Variants in TBL1X observed in about 807,000 individuals in gnomAD.
TBL1X encodes F-box-like/WD repeat-containing protein TBL1X.
TBL1X carries 10 observed loss-of-function variants against 50.7 expected under a neutral mutation model. That is an observed-to-expected ratio of 0.20 (90% CI 0.12 to 0.33). The LOEUF is 0.33. TBL1X is among the 10% of genes least tolerant of loss of function. The pLI, the probability that TBL1X is intolerant of heterozygous loss-of-function variation, is 1.00. For missense variants in TBL1X, 340 were observed against 504.4 expected (o/e 0.67, Z 3.12); for synonymous variants, 190 against 214.7 (o/e 0.88, Z 1.01).
Position 9,646,510 on chromosome X carries a change from A to G in TBL1X, c.-43+6150A>G, listed in dbSNP as rs191862530. ...AAAGAGCCGCTGCCTCCAAATGGGC[A>G]GAGTTTGCTCGTTTCCATGAAGCAA... On this transcript the variant is annotated intron_variant, in intron 3 of 17. Coordinates refer to ENST00000645353, the MANE Select transcript of TBL1X (RefSeq NM_005647.4). Among the ~76,000 whole-genome samples, 63 of 112,478 alleles carry G rather than the reference A, an allele frequency of 5.6e-4. 1 individual carries two copies. In the Middle Eastern group the frequency reaches 0.014, roughly 25 times the overall value.
chrX:9,675,630 A>G lies in TBL1X; in HGVS notation c.212-8413A>G, dbSNP rs765902379. On this transcript the variant is annotated intron_variant, in intron 5 of 17. Transcript: ENST00000645353. The stretch of plus-strand genomic sequence containing the variant: ...CAGGCGCGGTAGCTCACGCCCAGCA[A>G]GTAATCCCAGCACTTTGGGAGGCCG... Among the ~76,000 whole-genome samples the G allele has an allele frequency of 5.4e-5, 6 of 111,788 alleles. No homozygotes were observed. The East Asian group carries it at 1.4e-3, about 26-fold the overall frequency.
chrX:9,506,018 G>A (rs1453868119), intron 2 of TBL1X, among the ~76,000 whole-genome samples: 1 of 112,123 alleles, frequency 8.9e-6, no homozygotes, highest in Non-Finnish European at 1.9e-5. Flanking sequence ...GTGCCACATG[G>A]CACTTATTCT....
chrX:9,657,785 A>T (rs2146603043), intron 5 of TBL1X, among the ~76,000 whole-genome samples: 1 of 112,732 alleles, frequency 8.9e-6, no homozygotes, highest in Admixed American at 9.3e-5. Flanking sequence ...AGTCTGAAAG[A>T]GGAAACTGGT....
chrX:9,543,577 C>T (rs2082226301), intron 2 of TBL1X, among the ~76,000 whole-genome samples: 1 of 110,296 alleles, frequency 9.1e-6, no homozygotes, highest in Admixed American at 9.6e-5. Context: ...TGTGGCCCTT[C>T]GTCTTGGGGG....
chrX:9,701,644 A>G (rs182115387), intron 12 of TBL1X, among the ~76,000 whole-genome samples: 31 of 107,777 alleles, frequency 2.9e-4, no homozygotes, highest in African/African-American at 1.0e-3. Flanking sequence ...GAGTTTACAG[A>G]TTTGTGTTGG....
intron 1 of TBL1X, among the ~76,000 whole-genome samples, chrX:9,483,439 T>C (rs1057406273): frequency 8.9e-6 from 1 of 112,118 alleles, no homozygotes; most frequent in Non-Finnish European, 1.9e-5. Context: ...GAAATGACTG[T>C]GTAGATGGAG....
In TBL1X at chrX:9,484,285, G is replaced by A. The variant is rs375298470; in HGVS notation, c.-200-17495G>A. ...TTCCAAAGTGCTAGGATTACTACGG[G>A]TGTGAGCCACCGTGCCTGGCTCGTT... On this transcript the variant is annotated intron_variant, in intron 1 of 17. Coordinates refer to ENST00000645353, the MANE Select transcript of TBL1X (RefSeq NM_005647.4). Among the ~76,000 whole-genome samples, 4 of 111,026 alleles carry A rather than the reference G, an allele frequency of 3.6e-5. No individual in the cohort carries two copies. The East Asian group carries it at 8.4e-4, about 23-fold the overall frequency.
chrX:9,684,234 A>G (rs1243839956), intron 6 of TBL1X, 46 bp downstream of exon 6: 2 of 1,198,692 alleles, frequency 1.7e-6, no homozygotes, highest in Non-Finnish European at 2.3e-6. Context: ...AGCCCTGGGA[A>G]GCTGCAGGAG....
intron 2 of TBL1X, among the ~76,000 whole-genome samples, chrX:9,522,133 T>G (rs777601945): frequency 7.4e-4 from 80 of 108,583 alleles, no homozygotes; most frequent in Non-Finnish European, 1.3e-3. Flanking sequence ...TCCTCCCACT[T>G]CAGCCTCCCA....
chrX:9,703,479 G>A (rs1388385750), intron 12 of TBL1X, among the ~76,000 whole-genome samples: 1 of 111,754 alleles, frequency 8.9e-6, no homozygotes, highest in Non-Finnish European at 1.9e-5. Context: ...CCGGAGACCT[G>A]AGCACAGCGC....
At chrX:9,609,425 T>G (rs1469940794) in intron 2 of TBL1X, among the ~76,000 whole-genome samples, 1 of 107,642 alleles carries the variant, frequency 9.3e-6, no homozygotes, top group East Asian at 3.0e-4. Context: ...TGTGTGTGTG[T>G]GTGTGTGTCC....
At chrX:9,686,097 CTT>C (rs778328254) in intron 6 of TBL1X, among the ~76,000 whole-genome samples, 1 of 111,417 alleles carries the variant, frequency 9.0e-6, no homozygotes, top group East Asian at 2.8e-4. Flanking sequence ...TTTTTCCTCT[CTT>C]GTGCTCCTTT....
At chrX:9,671,451 A>G (rs2082959976) in intron 5 of TBL1X, among the ~76,000 whole-genome samples, 1 of 113,076 alleles carries the variant, frequency 8.8e-6, no homozygotes, top group South Asian at 3.6e-4. Flanking sequence ...AGGAGAATAC[A>G]AGGCTATCCA....
chrX:9,509,169 C>G (rs1406421057), intron 2 of TBL1X, among the ~76,000 whole-genome samples: 1 of 107,390 alleles, frequency 9.3e-6, no homozygotes, highest in African/African-American at 3.4e-5. Context: ...GGACGGATCA[C>G]AAGGTCAGGA....
Position 9,560,344 on chromosome X carries a change from G to A in TBL1X, c.-131+58495G>A, listed in dbSNP as rs182576549. 3.6e-3 allele frequency: 400 copies of A among 112,398 alleles called. 3 individuals are homozygous for A. Among genetic ancestry groups the A allele is most frequent in the African/African-American group, 0.012 (379 of 30,950 alleles). 9.3% of individuals were successfully genotyped at this position (112,398 alleles called of 1,213,427 possible). ...CCCAAGGATACTACCGCTGGCACGG[G>A]GTGGATGGTGATTCGCCCTCAGTCC... On this transcript the variant is annotated intron_variant, in intron 2 of 17. Coordinates refer to ENST00000645353, the MANE Select transcript of TBL1X (RefSeq NM_005647.4).
At chrX:9,574,111 C>T (rs753538061) in intron 2 of TBL1X, among the ~76,000 whole-genome samples, 1 of 110,939 alleles carries the variant, frequency 9.0e-6, no homozygotes, top group African/African-American at 3.3e-5. Flanking sequence ...ACTTTGGACT[C>T]GCTGGAAAGT....
At chrX:9,596,550 G>A (rs893140429) in intron 2 of TBL1X, among the ~76,000 whole-genome samples, 1 of 111,088 alleles carries the variant, frequency 9.0e-6, no homozygotes, top group Admixed American at 9.6e-5. Flanking sequence ...AGCGGTCACC[G>A]ATAGCCCACC....
At chrX:9,689,669 G>A (rs2083085333) in intron 7 of TBL1X, among the ~76,000 whole-genome samples, 1 of 111,973 alleles carries the variant, frequency 8.9e-6, no homozygotes, top group Admixed American at 9.4e-5. Context: ...GCATTGGAAG[G>A]CCGCATTTTG....
At chrX:9,628,688 C>A (rs1217776664) in intron 2 of TBL1X, among the ~76,000 whole-genome samples, 1 of 110,584 alleles carries the variant, frequency 9.0e-6, no homozygotes, top group Non-Finnish European at 1.9e-5. Flanking sequence ...GCTGGGATTA[C>A]AGGTGTGTGC....
Sources: gnomAD v4.1 joint callset for allele counts (sites outside exome capture counted in the v4.1 genomes callset) on GRCh38, gnomAD v4.1.1 for gene constraint, MANE v1.5 for transcripts, NCBI Gene and HGNC (gene_info 2026-07-23, HGNC 2026-07-21) for gene names.